The following EFCAB11 variants were observed in gnomAD, a reference collection of about 807,000 sequenced individuals.
EFCAB11 encodes the protein EF-hand calcium binding domain 11, also known as EF-hand calcium-binding domain-containing protein 11.
A neutral mutation model predicts 23.0 loss-of-function variants in EFCAB11; 14 were observed. The ratio of observed to expected loss-of-function variants is 0.61; its 90% CI spans 0.40 to 0.95. The LOEUF (loss-of-function observed/expected upper bound fraction) is 0.95. EFCAB11 is among the 40% of genes least tolerant of loss of function. The pLI, the probability that EFCAB11 is intolerant of heterozygous loss-of-function variation, is 0.00. For synonymous variants in EFCAB11, 65 were observed against 66.6 expected, an observed-to-expected ratio of 0.98 and a Z score of 0.11; for missense variants, 198 against 195.8, an observed-to-expected ratio of 1.01 and a Z score of -0.07.
chr14:89,841,711 C>A (rs1285935410), intron 5 of EFCAB11, among the ~76,000 whole-genome samples: 1 of 152,018 alleles, frequency 6.6e-6, no homozygotes, highest in East Asian at 1.9e-4. Flanking sequence ...GCACTGTTTA[C>A]TGTTTTTCAG....
At chr14:89,812,615 C>G (rs1886184055) in intron 5 of EFCAB11, among the ~76,000 whole-genome samples, 1 of 152,112 alleles carries the variant, frequency 6.6e-6, no homozygotes, top group Non-Finnish European at 1.5e-5. Context: ...GATAAATGTC[C>G]TGGAAAGGTC....
chr14:89,949,671 T>G (rs1891098958), intron 3 of EFCAB11, among the ~76,000 whole-genome samples: 1 of 152,150 alleles, frequency 6.6e-6, no homozygotes, highest in Non-Finnish European at 1.5e-5. Flanking sequence ...CAGCCTAGTT[T>G]CTGTTTTTAA....
intron 5 of EFCAB11, among the ~76,000 whole-genome samples, chr14:89,873,144 GA>G (rs970758827): frequency 1.3e-5 from 2 of 152,178 alleles, no homozygotes; most frequent in African/African-American, 4.8e-5. Context: ...CATGGCTGGG[GA>G]GGCCTCGTAA....
intron 5 of EFCAB11, among the ~76,000 whole-genome samples, chr14:89,927,725 C>CTT (rs374033325): frequency 2.7e-5 from 4 of 146,160 alleles, no homozygotes; most frequent in Non-Finnish European, 3.0e-5. Flanking sequence ...ATGTGTTATT[C>CTT]TTTTTTTTTT....
chr14:89,930,410 C>T (rs1181436879), intron 5 of EFCAB11, among the ~76,000 whole-genome samples: 1 of 152,192 alleles, frequency 6.6e-6, no homozygotes, highest in Non-Finnish European at 1.5e-5. Flanking sequence ...AACCTCTATT[C>T]GTGGGCACAT....
At chr14:89,939,808 A>G (rs59577883) in intron 3 of EFCAB11, among the ~76,000 whole-genome samples, 13,836 of 152,108 alleles carry the variant, frequency 0.091, 1,593 homozygotes, top group African/African-American at 0.27. Context: ...GCGGGATCTC[A>G]GCTCACTGCA....
At chr14:89,826,893 C>T (rs981447717) in intron 5 of EFCAB11, among the ~76,000 whole-genome samples, 10 of 152,046 alleles carry the variant, frequency 6.6e-5, no homozygotes, top group African/African-American at 2.2e-4. Context: ...CGGCATGACC[C>T]GATTACTAAC....
intron 5 of EFCAB11, among the ~76,000 whole-genome samples, chr14:89,846,628 T>C (rs10143191): frequency 0.64 from 96,757 of 152,048 alleles, 33,199 homozygotes; most frequent in Non-Finnish European, 0.79. Context: ...CGTGCACAAC[T>C]CCCTGTACTC....
In EFCAB11 at chr14:89,820,639, G is replaced by A. The variant is rs138447725; in HGVS notation, c.411-23315C>T. On this transcript the variant is annotated intron_variant, in intron 5 of 5. Transcript: ENST00000316738. ...AACTCCTTCACAAAGTCTCTCAGGA[G>A]CTACAGTAACCTCTACTTGCAGCCT... Among the ~76,000 whole-genome samples the A allele has an allele frequency of 5.2e-3, 786 of 152,116 alleles. 11 individuals carry two copies. The highest frequency in any genetic ancestry group is 0.018 in the African/African-American group (763 of 41,494).
At chr14:89,827,720 G>A (rs1256360035) in intron 5 of EFCAB11, among the ~76,000 whole-genome samples, 1 of 137,602 alleles carries the variant, frequency 7.3e-6, no homozygotes, top group African/African-American at 2.7e-5. Context: ...TGTACCCTCC[G>A]CCTCCCGGGT....
chr14:89,889,688 G>A (rs1244094191), intron 5 of EFCAB11, among the ~76,000 whole-genome samples: 1 of 152,256 alleles, frequency 6.6e-6, no homozygotes, highest in Non-Finnish European at 1.5e-5. Context: ...CCTTCTGCGA[G>A]TCTGAAATTT....
At chr14:89,950,376 C>A in intron 2 of EFCAB11, among the ~76,000 whole-genome samples, 1 of 152,228 alleles carries the variant, frequency 6.6e-6, no homozygotes, top group East Asian at 1.9e-4. Flanking sequence ...AACTTTATTC[C>A]ATTGACCAAA....
chr14:89,809,463 T>G lies in EFCAB11; in HGVS notation c.411-12139A>C, dbSNP rs76447827. Reference sequence around the variant, plus strand: ...CCTCCAGGCAGGGCCACATCATTGATTACGGAGCATTTCAGCCACTAAAAA... The same window carrying G: ...CCTCCAGGCAGGGCCACATCATTGAGTACGGAGCATTTCAGCCACTAAAAA... On this transcript the variant is annotated intron_variant, in intron 5 of 5. Transcript: ENST00000316738. 3.6e-3 allele frequency among the ~76,000 whole-genome samples: 551 copies of G among 152,294 alleles called. 6 individuals are homozygous for G. Among genetic ancestry groups the G allele is most frequent in the African/African-American group, 0.012 (518 of 41,570 alleles).
chr14:89,858,077 T>G (rs528737811), intron 5 of EFCAB11, among the ~76,000 whole-genome samples: 44 of 152,224 alleles, frequency 2.9e-4, no homozygotes, highest in Non-Finnish European at 5.3e-4. Context: ...AATGCTTTGA[T>G]GTTCCTCCCT....
chr14:89,812,032 A>T (rs1886166107), intron 5 of EFCAB11, among the ~76,000 whole-genome samples: 1 of 152,208 alleles, frequency 6.6e-6, no homozygotes, highest in African/African-American at 2.4e-5. Flanking sequence ...TATCATATAT[A>T]AAAAGAAAAT....
intron 5 of EFCAB11, among the ~76,000 whole-genome samples, chr14:89,917,389 A>T (rs1889884625): frequency 6.6e-6 from 1 of 152,162 alleles, no homozygotes; most frequent in South Asian, 2.1e-4. Context: ...TAATGTCCCC[A>T]GATTCCTCCA....
chr14:89,849,368 G>A (rs1887527615), intron 5 of EFCAB11, among the ~76,000 whole-genome samples: 1 of 152,272 alleles, frequency 6.6e-6, no homozygotes, highest in African/African-American at 2.4e-5. Flanking sequence ...GATTGGAAGA[G>A]TACAAATGTC....
At chr14:89,860,643 G>A (rs1393039633) in intron 5 of EFCAB11, among the ~76,000 whole-genome samples, 1 of 152,170 alleles carries the variant, frequency 6.6e-6, no homozygotes, top group East Asian at 1.9e-4. Context: ...ATTAGTTTTG[G>A]AATCTGAATC....
intron 5 of EFCAB11, among the ~76,000 whole-genome samples, chr14:89,910,889 G>C (rs756373308): frequency 6.6e-6 from 1 of 152,062 alleles, no homozygotes; most frequent in Admixed American, 6.5e-5. Flanking sequence ...AATGATTGGA[G>C]GACAGGGTAA....
Sources: gnomAD v4.1 joint callset for allele counts (sites outside exome capture counted in the v4.1 genomes callset) on GRCh38, gnomAD v4.1.1 for gene constraint, MANE v1.5 for transcripts, NCBI Gene and HGNC (gene_info 2026-07-23, HGNC 2026-07-21) for gene names.